The following CNTN5 variants were observed in gnomAD, a reference collection of about 807,000 sequenced individuals.
CNTN5 encodes contactin 5, also known as contactin-5.
A neutral mutation model predicts 129.1 loss-of-function variants in CNTN5; 77 were observed. That is an observed-to-expected ratio of 0.60 (90% CI 0.50 to 0.72). The LOEUF is 0.72. Among genes scored for constraint, CNTN5 ranks in the 30% least tolerant of loss-of-function variants. The pLI, the probability that CNTN5 is intolerant of heterozygous loss-of-function variation, is 0.00. For synonymous variants in CNTN5, 509 were observed against 465.6 expected (o/e 1.09, Z -1.20); for missense variants, 1,478 against 1,328.8 (o/e 1.11, Z -1.75).
intron 2 of CNTN5, among the ~76,000 whole-genome samples, chr11:99,478,490 G>A (rs540536240): frequency 1.3e-5 from 2 of 152,170 alleles, no homozygotes; most frequent in South Asian, 4.2e-4. Context: ...CTAGAAATAA[G>A]TTTCTAGGCC....
intron 3 of CNTN5, among the ~76,000 whole-genome samples, chr11:99,753,162 G>A (rs558481768): frequency 3.5e-4 from 40 of 113,198 alleles, no homozygotes; most frequent in South Asian, 1.6e-3. Flanking sequence ...TCGCTTTGTC[G>A]CCCAGGCTGG....
chr11:99,492,455 G>C (rs1310654444), intron 2 of CNTN5, among the ~76,000 whole-genome samples: 1 of 151,906 alleles, frequency 6.6e-6, no homozygotes, highest in Non-Finnish European at 1.5e-5. Context: ...GTAGCTTTTT[G>C]TGATGACTAA....
chr11:100,105,870 G>C (rs1329309224), intron 13 of CNTN5, among the ~76,000 whole-genome samples: 1 of 152,114 alleles, frequency 6.6e-6, no homozygotes, highest in East Asian at 1.9e-4. Flanking sequence ...TTTCACACAT[G>C]CAAGTTCTTC....
intron 2 of CNTN5, among the ~76,000 whole-genome samples, chr11:99,455,847 A>C (rs935016862): frequency 1.3e-5 from 2 of 152,268 alleles, no homozygotes; most frequent in Non-Finnish European, 2.9e-5. Flanking sequence ...TTTAGGCGTA[A>C]TATTGCTTTG....
intron 1 of CNTN5, among the ~76,000 whole-genome samples, chr11:99,054,686 A>G (rs1377808573): frequency 6.6e-6 from 1 of 151,802 alleles, no homozygotes; most frequent in Non-Finnish European, 1.5e-5. Context: ...TGACAAAAAA[A>G]GTATAAGCTC....
At chr11:99,349,901 A>T (rs532683175) in intron 2 of CNTN5, among the ~76,000 whole-genome samples, 5 of 152,288 alleles carry the variant, frequency 3.3e-5, no homozygotes, top group Admixed American at 3.3e-4. Context: ...AGATATTCTA[A>T]TGTGTGCAAA....
chr11:99,591,468 G>A (rs1341855931), intron 3 of CNTN5, among the ~76,000 whole-genome samples: 1 of 151,084 alleles, frequency 6.6e-6, no homozygotes, highest in African/African-American at 2.4e-5. Flanking sequence ...CTCCCGAGTA[G>A]CTGAGACTAC....
chr11:99,222,616 A>G (rs982467647), intron 1 of CNTN5, among the ~76,000 whole-genome samples: 8 of 152,086 alleles, frequency 5.3e-5, no homozygotes, highest in African/African-American at 1.9e-4. Context: ...AAACCATTGC[A>G]TTTTTCATAC....
chr11:99,667,597 G>A (rs997971054), intron 3 of CNTN5, among the ~76,000 whole-genome samples: 40 of 152,046 alleles, frequency 2.6e-4, no homozygotes, highest in African/African-American at 5.6e-4. Flanking sequence ...ATTAAAATAC[G>A]TGTAATACCA....
chr11:99,206,391 A>G (rs1859483546), intron 1 of CNTN5, among the ~76,000 whole-genome samples: 1 of 152,108 alleles, frequency 6.6e-6, no homozygotes, highest in South Asian at 2.1e-4. Flanking sequence ...CACTTTCCCC[A>G]GGTCGTCTCA....
chr11:100,308,252 T>C, intron 20 of CNTN5, 107 bp from the exon 21 acceptor site: 1 of 986,318 alleles, frequency 1.0e-6, no homozygotes, highest in Non-Finnish European at 1.5e-6. Context: ...ACCACAGCAC[T>C]TCATTTCAAA....
intron 24 of CNTN5, among the ~76,000 whole-genome samples, chr11:100,353,170 G>T (rs970589596): frequency 6.6e-6 from 1 of 151,410 alleles, no homozygotes; most frequent in Non-Finnish European, 1.5e-5. Context: ...GAAAAAAATT[G>T]TCAACTTTTA....
chr11:99,488,750 C>T (rs1272006419), intron 2 of CNTN5, among the ~76,000 whole-genome samples: 1 of 151,990 alleles, frequency 6.6e-6, no homozygotes, highest in Non-Finnish European at 1.5e-5. Context: ...ATCATTTTAC[C>T]AAAACTCCAC....
intron 2 of CNTN5, among the ~76,000 whole-genome samples, chr11:99,429,513 G>T (rs566467748): frequency 1.8e-4 from 27 of 152,214 alleles, no homozygotes; most frequent in Middle Eastern, 3.4e-3. Flanking sequence ...TCAAAGGACA[G>T]CAAAAGGGAG....
intron 1 of CNTN5, among the ~76,000 whole-genome samples, chr11:99,095,266 T>C (rs1866422393): frequency 6.6e-6 from 1 of 151,976 alleles, no homozygotes. Flanking sequence ...TAATGCATAG[T>C]TGTCATGTAG....
chr11:99,306,148 G>T (rs187008765), intron 1 of CNTN5, among the ~76,000 whole-genome samples: 29 of 152,242 alleles, frequency 1.9e-4, no homozygotes, highest in African/African-American at 6.7e-4. Context: ...ATAGTGGAGA[G>T]CTGTCCTTTA....
At chr11:99,247,290 T>G (rs912288710) in intron 1 of CNTN5, among the ~76,000 whole-genome samples, 5 of 152,070 alleles carry the variant, frequency 3.3e-5, no homozygotes, top group Non-Finnish European at 5.9e-5. Context: ...TGAACTGAAT[T>G]TCTTCGTATG....
At position 99,773,131 on chromosome 11, in the gene CNTN5, C is replaced by G. The variant is rs1201111759; in HGVS notation, c.56-46413C>G. On this transcript the variant is annotated intron_variant, in intron 3 of 24. Transcript: ENST00000524871. ...TCTTGTGCTTCTGCAAGCCACTGCC[C>G]CCAACTCCCTCAGGGAAACCACTAC... 2.6e-5 allele frequency among the ~76,000 whole-genome samples: 4 copies of G among 151,992 alleles called. No homozygotes were observed. In the East Asian group the frequency reaches 7.7e-4, roughly 29 times the overall value.
chr11:100,342,272 T>C (rs547045841), intron 23 of CNTN5, among the ~76,000 whole-genome samples: 1 of 152,062 alleles, frequency 6.6e-6, no homozygotes, highest in South Asian at 2.1e-4. Flanking sequence ...CTTACTCCTC[T>C]TTCCATACCC....
Sources: allele counts gnomAD v4.1 joint callset (sites outside exome capture counted in the v4.1 genomes callset), GRCh38; gene constraint gnomAD v4.1.1; transcripts MANE v1.5; gene names NCBI Gene and HGNC (gene_info 2026-07-23, HGNC 2026-07-21).